SNCAIP: variants seen among roughly 807,000 people sequenced by gnomAD.
SNCAIP encodes synphilin-1.
SNCAIP carries 43 observed loss-of-function variants against 86.7 expected under a neutral mutation model. The ratio of observed to expected loss-of-function variants is 0.50; its 90% CI spans 0.39 to 0.64. SNCAIP has a LOEUF of 0.64. Ranked by LOEUF, SNCAIP falls within the 30% of genes least tolerant of loss-of-function variation. The pLI is 0.00. For missense variants in SNCAIP, 981 were observed against 1,103.1 expected, an observed-to-expected ratio of 0.89 and a Z score of 1.57; for synonymous variants, 417 against 427.2, an observed-to-expected ratio of 0.98 and a Z score of 0.29.
rs75114382 is a variant in SNCAIP, at chr5:122,364,898, G to C, written c.-46-26191G>C. The stretch of plus-strand genomic sequence containing the variant: ...CATTTGTAGACCTATACAATTGTGA[G>C]AGATAATCCTAAATTTTTAAAATAT... On this transcript the variant is annotated intron_variant, in intron 1 of 10. Coordinates refer to ENST00000261368, the MANE Select transcript of SNCAIP (RefSeq NM_005460.4). 7.6e-3 allele frequency among the ~76,000 whole-genome samples: 1,160 copies of C among 152,250 alleles called. 17 individuals are homozygous for C. The highest frequency in any genetic ancestry group is 0.027 in the African/African-American group (1,118 of 41,522).
rs1362607062 is a variant in SNCAIP at position 122,451,241 on chromosome 5, C to A, written c.2394C>A (p.Ala798=). Reference sequence around the variant, plus strand: ...AAGTTGCCACAAGTCCCAAGAGTGCCCTCAAGTCTCCATCTTCCAAGCGTA... The same window carrying A: ...AAGTTGCCACAAGTCCCAAGAGTGCACTCAAGTCTCCATCTTCCAAGCGTA... ...AQKVATSPKS[A]LKSPSSKRRT... is the part of the protein sequence containing the mutation. Residue 798 remains alanine (A), a synonymous_variant, in exon 10 of 11, where the codon GCC becomes GCA. Transcript: ENST00000261368. The A allele has an allele frequency of 1.9e-6, 3 of 1,614,016 alleles. No homozygotes were observed. Among genetic ancestry groups the A allele is most frequent in the Non-Finnish European group, 2.5e-6 (3 of 1,180,016 alleles).
chr5:122,399,572 A>G (rs1383197818), intron 2 of SNCAIP, among the ~76,000 whole-genome samples: 1 of 152,132 alleles, frequency 6.6e-6, no homozygotes, highest in South Asian at 2.1e-4. Flanking sequence ...TACTGACATT[A>G]TTATTATTAC....
intron 2 of SNCAIP, among the ~76,000 whole-genome samples, chr5:122,398,198 A>G (rs532657596): frequency 1.3e-5 from 2 of 152,296 alleles, no homozygotes; most frequent in Non-Finnish European, 2.9e-5. Context: ...GTGCTTGCTT[A>G]TCTTTATAAG....
At chr5:122,347,809 A>G (rs1042091373) in intron 1 of SNCAIP, among the ~76,000 whole-genome samples, 1 of 152,130 alleles carries the variant, frequency 6.6e-6, no homozygotes, top group Non-Finnish European at 1.5e-5. Context: ...CACCTAACAT[A>G]GGACCATGAA....
At chr5:122,397,526 A>C (rs1770873503) in intron 2 of SNCAIP, among the ~76,000 whole-genome samples, 1 of 152,214 alleles carries the variant, frequency 6.6e-6, no homozygotes, top group African/African-American at 2.4e-5. Flanking sequence ...AAAACTTCTT[A>C]GAATGAAGAT....
At chr5:122,327,169 A>G (rs553111440) in intron 1 of SNCAIP, among the ~76,000 whole-genome samples, 23 of 152,122 alleles carry the variant, frequency 1.5e-4, no homozygotes, top group Admixed American at 7.9e-4. Context: ...CCTAGTCATT[A>G]CTATTCTAAA....
At chr5:122,322,234 A>C (rs1416558034) in intron 1 of SNCAIP, among the ~76,000 whole-genome samples, 1 of 152,238 alleles carries the variant, frequency 6.6e-6, no homozygotes. Flanking sequence ...TAAATTTTGC[A>C]AGTGCTTCTA....
At chr5:122,388,129 C>T (rs1016969206) in intron 1 of SNCAIP, among the ~76,000 whole-genome samples, 8 of 152,182 alleles carry the variant, frequency 5.3e-5, no homozygotes, top group South Asian at 4.1e-4. Context: ...GGAGCAGCTG[C>T]GGCTTAGCTC....
chr5:122,444,037 G>A, intron 7 of SNCAIP: 1 of 456,500 alleles, frequency 2.2e-6, no homozygotes, highest in Non-Finnish European at 4.4e-6. Context: ...TGGGAGGGTG[G>A]GAGCTGCTTC....
intron 1 of SNCAIP, among the ~76,000 whole-genome samples, chr5:122,380,008 G>T (rs552110854): frequency 5.9e-5 from 9 of 151,388 alleles, no homozygotes; most frequent in Middle Eastern, 3.4e-3. Context: ...TCTCTTTTTT[G>T]GTTGTGTCTC....
At chr5:122,409,357 A>G (rs773437567) in intron 3 of SNCAIP, among the ~76,000 whole-genome samples, 5 of 152,230 alleles carry the variant, frequency 3.3e-5, no homozygotes, top group Non-Finnish European at 5.9e-5. Flanking sequence ...GCTGCTTTAA[A>G]TGTGATTCTT....
Position 122,335,705 on chromosome 5 carries a change from G to A in SNCAIP, c.-47+23421G>A, listed in dbSNP as rs182113002. On this transcript the variant is annotated intron_variant, in intron 1 of 10. Coordinates refer to ENST00000261368, the MANE Select transcript of SNCAIP (RefSeq NM_005460.4). ...TGACATAGTCTCACTTAAAGCCTCA[G>A]CCAACCCATGGAGAGCTCTGAAGCT... Among the ~76,000 whole-genome samples the A allele has an allele frequency of 6.9e-4, 105 of 152,332 alleles. 1 individual carries two copies. Among genetic ancestry groups the A allele is most frequent in the Middle Eastern group, 3.4e-3 (1 of 294 alleles).
chr5:122,425,671 A>G, intron 5 of SNCAIP, 140 bp downstream of exon 5: 1 of 704,790 alleles, frequency 1.4e-6, no homozygotes, highest in Non-Finnish European at 2.5e-6. Flanking sequence ...TGCATTTAAG[A>G]GAGTAATCAT....
chr5:122,342,835 G>C (rs920768305), intron 1 of SNCAIP, among the ~76,000 whole-genome samples: 2 of 152,160 alleles, frequency 1.3e-5, no homozygotes, highest in Non-Finnish European at 2.9e-5. Flanking sequence ...GTGACAGTGG[G>C]ATAAGAAGGC....
intron 1 of SNCAIP, chr5:122,389,909 T>C (rs1768983211): frequency 6.6e-6 from 1 of 152,088 alleles, no homozygotes; most frequent in African/African-American, 2.4e-5. Flanking sequence ...TTTATCATAA[T>C]TATACCATTT....
intron 1 of SNCAIP, among the ~76,000 whole-genome samples, chr5:122,359,400 G>T: frequency 7.0e-6 from 1 of 143,742 alleles, no homozygotes; most frequent in East Asian, 2.1e-4. Context: ...GTCTTGCTCT[G>T]TCGCTCAGGC....
chr5:122,409,726 T>A (rs1468173782), intron 3 of SNCAIP, among the ~76,000 whole-genome samples: 3 of 152,206 alleles, frequency 2.0e-5, no homozygotes, highest in Non-Finnish European at 2.9e-5. Flanking sequence ...AGATAAAATA[T>A]GTGATGTTCT....
At chr5:122,411,908 T>C (rs1308726279) in intron 3 of SNCAIP, among the ~76,000 whole-genome samples, 1 of 152,168 alleles carries the variant, frequency 6.6e-6, no homozygotes, top group Non-Finnish European at 1.5e-5. Context: ...TTTTCAAAAA[T>C]GCAAGTCTTA....
intron 1 of SNCAIP, among the ~76,000 whole-genome samples, chr5:122,322,929 A>G (rs1404808804): frequency 1.3e-5 from 2 of 152,208 alleles, no homozygotes; most frequent in Non-Finnish European, 2.9e-5. Flanking sequence ...CTTTGCAACT[A>G]AAATATATTT....
Sources: allele counts gnomAD v4.1 joint callset (sites outside exome capture counted in the v4.1 genomes callset), GRCh38; gene constraint gnomAD v4.1.1; transcripts MANE v1.5; gene names NCBI Gene and HGNC (gene_info 2026-07-23, HGNC 2026-07-21).